Variants in HADHA observed in about 807,000 individuals in gnomAD.
HADHA encodes hydroxyacyl-CoA dehydrogenase trifunctional multienzyme complex subunit alpha.
A neutral mutation model predicts 91.3 loss-of-function variants in HADHA; 59 were observed. The observed-to-expected ratio is 0.65, with a 90% CI of 0.52 to 0.80. The LOEUF is 0.80. Ranked by LOEUF, HADHA falls within the 30% of genes least tolerant of loss-of-function variation. HADHA has a pLI of 0.00. For synonymous variants in HADHA, 320 were observed against 338.9 expected, an observed-to-expected ratio of 0.94 and a Z score of 0.61; for missense variants, 800 against 927.6, an observed-to-expected ratio of 0.86 and a Z score of 1.79.
chr2:26,209,764 G>T lies in HADHA; in HGVS notation c.1085+16C>A. On this transcript the variant is annotated intron_variant, in intron 11 of 19. Coordinates refer to ENST00000380649, the MANE Select transcript of HADHA (RefSeq NM_000182.5). ...AGTAAAATTCACAAGGGCTTCCTAC[G>T]TAGAGTTTAACTTACTTAACATCCT... is the stretch of plus-strand genomic sequence containing the variant. The T allele has an allele frequency of 1.6e-6, 2 of 1,228,356 alleles. No homozygotes were observed. Among genetic ancestry groups the T allele is most frequent in the Non-Finnish European group, 2.4e-6 (2 of 827,860 alleles). The allele number at this position is 1,228,356 out of a possible 1,614,324, so 76.1% of individuals were successfully genotyped here.
intron 17 of HADHA, among the ~76,000 whole-genome samples, 160 bp downstream of exon 17, chr2:26,193,416 AC>A (rs1233475885): frequency 6.6e-6 from 1 of 150,700 alleles, no homozygotes; most frequent in Non-Finnish European, 1.5e-5. Context: ...AGTGGTTGCT[AC>A]CGCACCTGAC....
At chr2:26,191,429 C>T (rs372827257) in intron 19 of HADHA, 34 bp from the exon 20 acceptor site, 36 of 1,614,140 alleles carry the variant, frequency 2.2e-5, no homozygotes, top group East Asian at 6.7e-5. Flanking sequence ...TTGAAGGAGA[C>T]GCAACACGGG....
intron 11 of HADHA, 44 bp downstream of exon 11, chr2:26,209,736 C>A (rs569842001): frequency 1.1e-6 from 1 of 931,570 alleles, no homozygotes; most frequent in Non-Finnish European, 1.8e-6. Flanking sequence ...GAACTTTGCA[C>A]ACAGTAAAAT....
chr2:26,204,316 AAAT>A (rs1454121946), intron 11 of HADHA, 120 bp from the exon 12 acceptor site: 1 of 907,946 alleles, frequency 1.1e-6, no homozygotes, highest in Non-Finnish European at 1.8e-6. Context: ...AAGGTGTTTC[AAAT>A]AATTTTTATT....
intron 10 of HADHA, among the ~76,000 whole-genome samples, chr2:26,211,023 CA>C (rs1307314760): frequency 2.0e-5 from 3 of 152,154 alleles, no homozygotes; most frequent in African/African-American, 7.2e-5. Context: ...AATGACAACA[CA>C]ATCAATGCTT....
chr2:26,194,701 A>T, intron 15 of HADHA, 63 bp from the exon 16 acceptor site: 1 of 1,042,868 alleles, frequency 9.6e-7, no homozygotes. Flanking sequence ...GAAACACTCT[A>T]CCTTTCCCAG....
intron 13 of HADHA, among the ~76,000 whole-genome samples, chr2:26,200,859 A>G (rs547010320): frequency 1.3e-5 from 2 of 152,024 alleles, no homozygotes; most frequent in African/African-American, 2.4e-5. Flanking sequence ...CAGCCTCCCA[A>G]ATAGCTGGGA....
intron 13 of HADHA, among the ~76,000 whole-genome samples, chr2:26,200,237 G>A (rs1285518748): frequency 1.3e-5 from 2 of 152,060 alleles, no homozygotes; most frequent in Non-Finnish European, 1.5e-5. Flanking sequence ...CCAGCATGTT[G>A]CCAAGTCAGA....
chr2:26,239,724 TAA>T (rs1259484764), intron 1 of HADHA, among the ~76,000 whole-genome samples: 6 of 139,862 alleles, frequency 4.3e-5, no homozygotes, highest in Admixed American at 7.2e-5. Context: ...GGTGACACAT[TAA>T]AAAAAAAAAA....
chr2:26,239,012 G>T lies in HADHA; in HGVS notation c.110-8C>A. The T allele has an allele frequency of 4.4e-6, 7 of 1,599,552 alleles. No individual in the cohort carries two copies. Among genetic ancestry groups the T allele is most frequent in the Non-Finnish European group, 6.0e-6 (7 of 1,167,046 alleles). On this transcript the variant is annotated splice_region_variant and splice_polypyrimidine_tract_variant and intron_variant, in intron 2 of 19. Coordinates refer to ENST00000380649, the MANE Select transcript of HADHA (RefSeq NM_000182.5). ...AGTTAATATGGGTTCTGGCTAAAAA[G>T]AAAAGAAAGATTTATTTGTAAACAT...
intron 12 of HADHA, 55 bp downstream of exon 12, chr2:26,204,007 C>A: frequency 1.3e-6 from 2 of 1,584,406 alleles, no homozygotes; most frequent in Non-Finnish European, 1.7e-6. Context: ...CAAAAAACAA[C>A]TAACCAAGAA....
At position 26,195,230 on chromosome 2, in the gene HADHA, C is replaced by T. The variant is rs753121857; in HGVS notation, c.1482G>A (p.Val494=). The change falls in exon 15 of 20, where the codon GTG becomes GTA. Residue 494 remains valine, a splice_region_variant and synonymous_variant. Transcript: ENST00000380649. The stretch of plus-strand genomic sequence containing the variant: ...CGGGAGAGAAGTAGTGCATGCCAAT[C>T]ACCTGGCAAGGGGAACCAAAAGCCA... ...IAAVSKRPEK[V]IGMHYFSPVD... is the part of the protein sequence containing the mutation. 1 of 1,612,800 alleles carries T rather than the reference C, an allele frequency of 6.2e-7. No individual in the cohort carries two copies. The highest frequency in any genetic ancestry group is 8.5e-7 in the Non-Finnish European group (1 of 1,178,882).
intron 7 of HADHA, among the ~76,000 whole-genome samples, chr2:26,225,908 T>C (rs1670474047): frequency 6.6e-6 from 1 of 152,028 alleles, no homozygotes; most frequent in Admixed American, 6.6e-5. Flanking sequence ...TCAAACTGTC[T>C]TTACTTACAG....
chr2:26,209,692 C>G, intron 11 of HADHA, 88 bp downstream of exon 11: 1 of 795,082 alleles, frequency 1.3e-6, no homozygotes, highest in South Asian at 1.3e-5. Context: ...AATTAAGATA[C>G]AGATCTAGCT....
At position 26,209,739 on chromosome 2, in the gene HADHA, A is replaced by G. The variant is rs746561798; in HGVS notation, c.1085+41T>C. ...CAAAGCCTCTGTGAACTTTGCACAC[A>G]GTAAAATTCACAAGGGCTTCCTACG... On this transcript the variant is annotated intron_variant, in intron 11 of 19. Transcript: ENST00000380649. The G allele has an allele frequency of 5.3e-6, 5 of 950,496 alleles. No individual in the cohort carries two copies. In the South Asian group the frequency reaches 6.4e-5, roughly 12 times the overall value. The allele number at this position is 950,496 out of a possible 1,614,324, so 58.9% of individuals were successfully genotyped here.
At chr2:26,195,045 A>C (rs765380134) in intron 15 of HADHA, 47 bp downstream of exon 15, 3 of 1,485,538 alleles carry the variant, frequency 2.0e-6, no homozygotes, top group South Asian at 1.1e-5. Flanking sequence ...AAGGAGTCTT[A>C]TTAGAACTTT....
At chr2:26,204,263 T>G in intron 11 of HADHA, 67 bp from the exon 12 acceptor site, 1 of 1,448,346 alleles carries the variant, frequency 6.9e-7, no homozygotes, top group Non-Finnish European at 9.7e-7. Context: ...AGTGGAAGAT[T>G]GCCTAAGTTA....
chr2:26,232,875 T>C (rs1426824412), intron 5 of HADHA, among the ~76,000 whole-genome samples: 2 of 151,590 alleles, frequency 1.3e-5, no homozygotes, highest in East Asian at 3.9e-4. Flanking sequence ...ATCTAGGCTA[T>C]ATGGGATAGC....
At position 26,229,452 on chromosome 2, in the gene HADHA, C is replaced by T. The variant is rs1383556253; in HGVS notation, c.676+740G>A. On this transcript the variant is annotated intron_variant, in intron 7 of 19. Coordinates refer to ENST00000380649, the MANE Select transcript of HADHA (RefSeq NM_000182.5). The surrounding 1 kb of genome is among the most constrained non-coding windows in gnomAD (Gnocchi z 4.3). ...AATAAATATAAGAGGGTAATGAACA[C>T]ACAAGTCAGAATAGTGGCTTCTTTG... Among the ~76,000 whole-genome samples, 1 of 152,016 alleles carries T rather than the reference C, an allele frequency of 6.6e-6. No homozygotes were observed. The highest frequency in any genetic ancestry group is 1.5e-5 in the Non-Finnish European group (1 of 68,020).
Sources: gnomAD v4.1 joint callset for allele counts (sites outside exome capture counted in the v4.1 genomes callset) on GRCh38, gnomAD v4.1.1 for gene constraint, Gnocchi (gnomAD v3.1) non-coding constraint, MANE v1.5 for transcripts, NCBI Gene and HGNC (gene_info 2026-07-23, HGNC 2026-07-21) for gene names.